ATP6V1A: variants seen among roughly 807,000 people sequenced by gnomAD.
ATP6V1A encodes ATPase H+ transporting V1 subunit A.
In ATP6V1A, 18 loss-of-function variants were observed where a neutral mutation model predicts 70.1. That is an observed-to-expected ratio of 0.26 (90% CI 0.18 to 0.38). ATP6V1A has a LOEUF of 0.38. Ranked by LOEUF, ATP6V1A falls within the 10% of genes least tolerant of loss-of-function variation. The probability of loss-of-function intolerance (pLI) is 1.00; values close to 1 mark genes in which losing one functional copy is unlikely to be tolerated. For missense variants in ATP6V1A, 424 were observed against 772.4 expected, an observed-to-expected ratio of 0.55 and a Z score of 5.35; for synonymous variants, 232 against 253.8, an observed-to-expected ratio of 0.91 and a Z score of 0.82.
intron 1 of ATP6V1A, among the ~76,000 whole-genome samples, chr3:113,750,455 C>T (rs1354469926): frequency 6.6e-6 from 1 of 152,082 alleles, no homozygotes; most frequent in African/African-American, 2.4e-5. Flanking sequence ...GCGCTCCAGC[C>T]TGGGCAACAG....
chr3:113,765,762 C>CAAA (rs398052207), intron 1 of ATP6V1A, among the ~76,000 whole-genome samples: 2 of 127,314 alleles, frequency 1.6e-5, no homozygotes, highest in Non-Finnish European at 3.4e-5. Flanking sequence ...ACTAAAAATA[C>CAAA]AAAAAAAAAA....
chr3:113,771,831 A>G (rs1305104673), intron 1 of ATP6V1A, among the ~76,000 whole-genome samples: 3 of 152,286 alleles, frequency 2.0e-5, no homozygotes, highest in South Asian at 2.1e-4. Flanking sequence ...AATTTATTGT[A>G]TGAGATGAAG....
intron 1 of ATP6V1A, 27 bp downstream of exon 1, chr3:113,747,140 T>C (rs1333358756): frequency 1.3e-5 from 2 of 151,462 alleles, no homozygotes; most frequent in African/African-American, 2.4e-5. Context: ...AACTGGCGAG[T>C]GGTGGGGATA....
At chr3:113,757,127 T>C (rs956500849) in intron 1 of ATP6V1A, among the ~76,000 whole-genome samples, 1 of 152,196 alleles carries the variant, frequency 6.6e-6, no homozygotes, top group Admixed American at 6.5e-5. Context: ...TGATCCAAAA[T>C]AGACACTTAA....
chr3:113,771,787 G>A (rs1408883978), intron 1 of ATP6V1A, among the ~76,000 whole-genome samples: 2 of 151,978 alleles, frequency 1.3e-5, no homozygotes, highest in African/African-American at 4.8e-5. Context: ...ATACATAAGT[G>A]TATATATTTA....
chr3:113,768,297 G>A (rs1457986737), intron 1 of ATP6V1A, among the ~76,000 whole-genome samples: 2 of 152,062 alleles, frequency 1.3e-5, no homozygotes, highest in Non-Finnish European at 2.9e-5. Context: ...TTACTTCATT[G>A]ATGACCTTAT....
chr3:113,773,542 C>G (rs1681626378), intron 1 of ATP6V1A, among the ~76,000 whole-genome samples: 1 of 152,136 alleles, frequency 6.6e-6, no homozygotes, highest in Non-Finnish European at 1.5e-5. Context: ...ATGAACAAAC[C>G]CATTTGGTTT....
In ATP6V1A at chr3:113,788,717, G is replaced by T. The variant is rs569743243; in HGVS notation, c.721G>T (p.Val241Phe). 6.2e-7 allele frequency: 1 copy of T among 1,613,214 alleles called. No homozygotes were observed. Among genetic ancestry groups the T allele is most frequent in the South Asian group, 1.1e-5 (1 of 90,968 alleles). The change falls in exon 7 of 15, where the codon GTC becomes TTC. Residue 241 changes from valine to phenylalanine, a missense_variant. Transcript: ENST00000273398. ...TACTTTGTTTTCTTTGTTTAGGTGT[G>T]TCCAGGGAGGAACTACTGCTATCCC... ...QRVLDALFPC[V>F]QGGTTAIPGA...
chr3:113,756,360 T>C (rs1415542701), intron 1 of ATP6V1A, among the ~76,000 whole-genome samples: 2 of 152,252 alleles, frequency 1.3e-5, no homozygotes, highest in Non-Finnish European at 2.9e-5. Flanking sequence ...TACAATAAAT[T>C]CCTAGAAATG....
intron 14 of ATP6V1A, among the ~76,000 whole-genome samples, chr3:113,805,829 A>G (rs1257869522): frequency 1.3e-5 from 2 of 152,196 alleles, no homozygotes; most frequent in African/African-American, 4.8e-5. Flanking sequence ...TTGGCCTCAC[A>G]AAGTGCAATG....
rs1709019865 is a variant in ATP6V1A, at chr3:113,784,780, C to T, written c.511C>T (p.Arg171Ter). Residue 171 changes from arginine (R) to a stop codon, truncating the protein, a stop_gained, in exon 5 of 15, where the codon CGA becomes TGA. Transcript: ENST00000273398. LOFTEE classifies it high-confidence loss of function. ...LIKHKIMLPP[R>*]NRGTVTYIAP... The stretch of plus-strand genomic sequence containing the variant: ...CAAACACAAAATCATGTTACCCCCA[C>T]GAAACAGAGGAACTGTAACTTACAT... 5 of 1,614,024 alleles carry T rather than the reference C, an allele frequency of 3.1e-6. No individual in the cohort carries two copies. Among genetic ancestry groups the T allele is most frequent in the African/African-American group, 1.3e-5 (1 of 75,024 alleles).
chr3:113,802,792 A>G (rs900539631), intron 12 of ATP6V1A: 1 of 152,302 alleles, frequency 6.6e-6, no homozygotes, highest in Admixed American at 6.5e-5. Flanking sequence ...CCTCCCAAGT[A>G]GCTGGGTCTA....
intron 12 of ATP6V1A, among the ~76,000 whole-genome samples, chr3:113,800,059 T>C (rs1385664010): frequency 1.3e-5 from 2 of 151,928 alleles, no homozygotes; most frequent in African/African-American, 4.8e-5. Context: ...GGTGAAACCC[T>C]GTCACTACTA....
At chr3:113,762,611 ACAAAAGCCTATC>A (rs1708718993) in intron 1 of ATP6V1A, among the ~76,000 whole-genome samples, 1 of 152,108 alleles carries the variant, frequency 6.6e-6, no homozygotes, top group African/African-American at 2.4e-5. Context: ...AGTTTATCTG[ACAAAAGCCTATC>A]CAAAAGCCAG....
intron 12 of ATP6V1A, among the ~76,000 whole-genome samples, 176 bp downstream of exon 12, chr3:113,798,622 A>G (rs1467918353): frequency 1.3e-5 from 2 of 152,194 alleles, no homozygotes; most frequent in Non-Finnish European, 2.9e-5. Flanking sequence ...GGTATATTGT[A>G]TGTGAGAAAG....
intron 3 of ATP6V1A, 78 bp downstream of exon 3, chr3:113,781,256 A>G (rs1708973817): frequency 3.4e-6 from 5 of 1,466,688 alleles, no homozygotes; most frequent in Non-Finnish European, 4.6e-6. Context: ...AGTGCCTCAC[A>G]CAAAGTAATC....
In ATP6V1A at chr3:113,765,536, T is replaced by C. The variant is rs138344053; in HGVS notation, c.-13-13205T>C. ...GGAAGAGTAGCTTAAATCCGGGAGGTGGAGGTTGCAGTGAACTGAGATGGT... is the reference window on the plus strand; with the variant it reads ...GGAAGAGTAGCTTAAATCCGGGAGGCGGAGGTTGCAGTGAACTGAGATGGT... On this transcript the variant is annotated intron_variant, in intron 1 of 14. Transcript: ENST00000273398. 2.4e-3 allele frequency among the ~76,000 whole-genome samples: 363 copies of C among 148,182 alleles called. 2 individuals are homozygous for C. The highest frequency in any genetic ancestry group is 8.8e-3 in the African/African-American group (353 of 40,126).
At chr3:113,777,979 G>T (rs975264087) in intron 1 of ATP6V1A, among the ~76,000 whole-genome samples, 2 of 152,156 alleles carry the variant, frequency 1.3e-5, no homozygotes, top group Non-Finnish European at 2.9e-5. Context: ...TTATTGAAAA[G>T]ACTTCACATT....
In ATP6V1A at chr3:113,811,759, A is replaced by T. The variant is rs1206552832; in HGVS notation, c.*2332A>T. On this transcript the variant is annotated 3_prime_UTR_variant, in exon 15 of 15. Coordinates refer to ENST00000273398, the MANE Select transcript of ATP6V1A (RefSeq NM_001690.4). ...GAGTTTCAGATCGGTCACTGATAGT[A>T]TGTATTTCTTTAGTAAGAATGTGTT... is the stretch of plus-strand genomic sequence containing the variant. The T allele has an allele frequency of 6.6e-6, 1 of 152,638 alleles. No individual in the cohort carries two copies. Among genetic ancestry groups the T allele is most frequent in the African/African-American group, 2.4e-5 (1 of 41,468 alleles). The allele number at this position is 152,638 out of a possible 1,614,324, so 9.5% of individuals were successfully genotyped here.
Sources: gnomAD v4.1 joint callset for allele counts (sites outside exome capture counted in the v4.1 genomes callset) on GRCh38, gnomAD v4.1.1 for gene constraint, MANE v1.5 for transcripts, NCBI Gene and HGNC (gene_info 2026-07-23, HGNC 2026-07-21) for gene names.